Variants in CPNE8 observed in about 807,000 individuals in gnomAD.
CPNE8 encodes the protein copine 8.
CPNE8 carries 45 observed loss-of-function variants against 81.5 expected under a neutral mutation model. The ratio of observed to expected loss-of-function variants is 0.55; its 90% CI spans 0.44 to 0.71. The LOEUF (loss-of-function observed/expected upper bound fraction) is 0.71. CPNE8 is among the 30% of genes least tolerant of loss of function. CPNE8 has a pLI of 0.00. For missense variants in CPNE8, 594 were observed against 672.1 expected, an observed-to-expected ratio of 0.88 and a Z score of 1.28; for synonymous variants, 252 against 226.3, an observed-to-expected ratio of 1.11 and a Z score of -1.02.
chr12:38,778,457 T>C (rs966029953), intron 6 of CPNE8, among the ~76,000 whole-genome samples: 20 of 152,228 alleles, frequency 1.3e-4, no homozygotes, highest in African/African-American at 4.8e-4. Context: ...TCTCCTTTCA[T>C]CAACTCGGTG....
intron 7 of CPNE8, among the ~76,000 whole-genome samples, chr12:38,774,758 A>G (rs1941890630): frequency 6.6e-6 from 1 of 152,152 alleles, no homozygotes; most frequent in Non-Finnish European, 1.5e-5. Flanking sequence ...TGAGTCTGAT[A>G]GTCTTTAACA....
chr12:38,767,136 A>G (rs972299768), intron 8 of CPNE8, among the ~76,000 whole-genome samples: 1 of 152,140 alleles, frequency 6.6e-6, no homozygotes. Context: ...ATTATGGTCT[A>G]TAACTCATAA....
At chr12:38,752,647 T>A (rs1031657870) in intron 10 of CPNE8, among the ~76,000 whole-genome samples, 30 of 152,176 alleles carry the variant, frequency 2.0e-4, no homozygotes, top group African/African-American at 7.2e-4. Flanking sequence ...TTAATATAAC[T>A]CATTCAGCAT....
At chr12:38,705,955 TATATATA>T (rs1421911460) in intron 13 of CPNE8, among the ~76,000 whole-genome samples, 3 of 152,126 alleles carry the variant, frequency 2.0e-5, no homozygotes, top group Non-Finnish European at 4.4e-5. Context: ...TATCACACAT[TATATATA>T]ATGTGATGTT....
At chr12:38,839,231 G>A (rs552387022) in intron 5 of CPNE8, among the ~76,000 whole-genome samples, 29 of 151,964 alleles carry the variant, frequency 1.9e-4, no homozygotes, top group South Asian at 8.3e-4. Flanking sequence ...ACAATGTTTC[G>A]CTGGAGTATC....
At chr12:38,877,619 G>T (rs796418077) in intron 1 of CPNE8, among the ~76,000 whole-genome samples, 1 of 152,050 alleles carries the variant, frequency 6.6e-6, no homozygotes, top group African/African-American at 2.4e-5. Context: ...ATTATCTGAT[G>T]AAATATCTAA....
chr12:38,768,516 T>C (rs1941736507), intron 7 of CPNE8, among the ~76,000 whole-genome samples: 1 of 151,610 alleles, frequency 6.6e-6, no homozygotes, highest in African/African-American at 2.4e-5. Context: ...GTATGTGTGT[T>C]GTTTTTGTTT....
chr12:38,717,429 GTATATATATA>G (rs57044387), intron 13 of CPNE8, among the ~76,000 whole-genome samples: 885 of 87,048 alleles, frequency 0.01, 45 homozygotes, highest in African/African-American at 0.037. Context: ...AAAGTGTGGT[GTATATATATA>G]TATATATATA....
At chr12:38,807,132 C>G (rs1181583886) in intron 6 of CPNE8, among the ~76,000 whole-genome samples, 1 of 151,974 alleles carries the variant, frequency 6.6e-6, no homozygotes, top group Non-Finnish European at 1.5e-5. Flanking sequence ...ACATTCCATG[C>G]TCATGGGTAG....
upstream of CPNE8, chr12:38,906,369 C>A: frequency 1.0e-6 from 1 of 985,480 alleles, no homozygotes; most frequent in Non-Finnish European, 1.2e-6. Flanking sequence ...AACAATACTA[C>A]TTGGGATTTA....
chr12:38,709,114 A>T (rs547363626), intron 13 of CPNE8, among the ~76,000 whole-genome samples: 1 of 152,302 alleles, frequency 6.6e-6, no homozygotes, highest in East Asian at 1.9e-4. Flanking sequence ...TACCAGGACT[A>T]TGCTTCTGCC....
chr12:38,886,494 G>A (rs1258125629), intron 1 of CPNE8, among the ~76,000 whole-genome samples: 1 of 152,184 alleles, frequency 6.6e-6, no homozygotes, highest in Non-Finnish European at 1.5e-5. Context: ...AAGGAAAAAG[G>A]TCAAATTCAT....
chr12:38,741,023 A>G lies in CPNE8; in HGVS notation c.723-10665T>C, dbSNP rs895648790. ...AGAACTACAAACCACTGCTCAATGA[A>G]GTAAAAGAGGACACAAACAAATGGA... On this transcript the variant is annotated intron_variant, in intron 10 of 19. Coordinates refer to ENST00000331366, the MANE Select transcript of CPNE8 (RefSeq NM_153634.3). 8.5e-4 allele frequency among the ~76,000 whole-genome samples: 129 copies of G among 152,256 alleles called. 1 individual carries two copies. The highest frequency in any genetic ancestry group is 3.0e-3 in the African/African-American group (123 of 41,566).
chr12:38,902,303 G>A (rs1437800386), intron 1 of CPNE8, among the ~76,000 whole-genome samples: 4 of 29,580 alleles, frequency 1.4e-4, no homozygotes, highest in African/African-American at 6.0e-4. Flanking sequence ...AGGAAAGGAA[G>A]GAAGGAAGGA....
chr12:38,750,990 TTTCC>T (rs561503080), intron 10 of CPNE8, among the ~76,000 whole-genome samples: 89 of 152,322 alleles, frequency 5.8e-4, no homozygotes, highest in Middle Eastern at 3.4e-3. Flanking sequence ...GGGACAGGTC[TTTCC>T]CATGCTGTTC....
intron 1 of CPNE8, among the ~76,000 whole-genome samples, chr12:38,900,168 A>AC (rs1944439627): frequency 6.6e-6 from 1 of 152,090 alleles, no homozygotes; most frequent in South Asian, 2.1e-4. Context: ...TCTTCCTAAC[A>AC]CCCTAGTAGG....
At chr12:38,835,800 A>T (rs879696336) in intron 5 of CPNE8, among the ~76,000 whole-genome samples, 5 of 152,190 alleles carry the variant, frequency 3.3e-5, no homozygotes, top group Non-Finnish European at 5.9e-5. Context: ...AAAGTGTATT[A>T]AAAAATATAC....
intron 13 of CPNE8, among the ~76,000 whole-genome samples, chr12:38,714,131 G>T (rs919015706): frequency 3.3e-5 from 5 of 152,078 alleles, no homozygotes; most frequent in African/African-American, 4.8e-5. Context: ...TCTGTCTTCA[G>T]ACACTTACAG....
At chr12:38,814,686 A>C (rs946934262) in intron 6 of CPNE8, among the ~76,000 whole-genome samples, 4 of 152,030 alleles carry the variant, frequency 2.6e-5, no homozygotes, top group African/African-American at 9.7e-5. Context: ...CTAAATATCC[A>C]TTTACAGGCC....
Sources: allele counts gnomAD v4.1 joint callset (sites outside exome capture counted in the v4.1 genomes callset), GRCh38; gene constraint gnomAD v4.1.1; transcripts MANE v1.5; gene names NCBI Gene and HGNC (gene_info 2026-07-23, HGNC 2026-07-21).